CTNNA2: variants seen among roughly 807,000 people sequenced by gnomAD.
CTNNA2 encodes catenin alpha-2.
CTNNA2 carries 42 observed loss-of-function variants against 101.0 expected under a neutral mutation model. The ratio of observed to expected loss-of-function variants is 0.42; its 90% CI spans 0.32 to 0.54. CTNNA2 has a LOEUF of 0.54. Ranked by LOEUF, CTNNA2 falls within the 20% of genes least tolerant of loss-of-function variation. CTNNA2 has a pLI of 0.14. For synonymous variants in CTNNA2, 450 were observed against 456.4 expected, an observed-to-expected ratio of 0.99 and a Z score of 0.18; for missense variants, 871 against 1,223.1, an observed-to-expected ratio of 0.71 and a Z score of 4.29.
intron 3 of CTNNA2, among the ~76,000 whole-genome samples, chr2:79,362,474 A>C (rs1677653764): frequency 6.6e-6 from 1 of 152,110 alleles, no homozygotes; most frequent in Non-Finnish European, 1.5e-5. Context: ...AAGTGGACCA[A>C]GGGGCTACAC....
At chr2:80,458,217 A>T (rs7560190) in intron 9 of CTNNA2, among the ~76,000 whole-genome samples, 2 of 152,018 alleles carry the variant, frequency 1.3e-5, no homozygotes, top group African/African-American at 2.4e-5. Context: ...TCAGTTGATA[A>T]GTTACCTCTG....
chr2:80,181,303 AAGG>A (rs1705760727), intron 7 of CTNNA2, among the ~76,000 whole-genome samples: 1 of 152,040 alleles, frequency 6.6e-6, no homozygotes, highest in African/African-American at 2.4e-5. Flanking sequence ...ATGGGTGGGG[AAGG>A]AGATGTTGCC....
At chr2:79,759,068 G>A (rs1307311779) in intron 3 of CTNNA2, among the ~76,000 whole-genome samples, 1 of 152,162 alleles carries the variant, frequency 6.6e-6, no homozygotes, top group Non-Finnish European at 1.5e-5. Flanking sequence ...TTAATCATTA[G>A]AAAGTGGTAA....
At chr2:80,079,865 A>AATAAAATAAG (rs1274457275) in intron 7 of CTNNA2, among the ~76,000 whole-genome samples, 1,161 of 112,974 alleles carry the variant, frequency 0.01, 18 homozygotes, top group Middle Eastern at 0.047. Context: ...AATAAAATAA[A>AATAAAATAAG]ATAAAATAAA....
intron 7 of CTNNA2, among the ~76,000 whole-genome samples, chr2:80,221,790 A>T (rs1708591717): frequency 6.6e-6 from 1 of 152,238 alleles, no homozygotes; most frequent in Non-Finnish European, 1.5e-5. Context: ...GGTATTGGAC[A>T]GCCAAAGAGC....
intron 7 of CTNNA2, among the ~76,000 whole-genome samples, chr2:80,292,262 A>T (rs141869043): frequency 6.6e-6 from 1 of 152,196 alleles, no homozygotes; most frequent in Non-Finnish European, 1.5e-5. Context: ...AATGGGCTTA[A>T]TTCTTATAAC....
At chr2:80,283,674 A>T (rs1295110214) in intron 7 of CTNNA2, among the ~76,000 whole-genome samples, 1 of 152,124 alleles carries the variant, frequency 6.6e-6, no homozygotes, top group Non-Finnish European at 1.5e-5. Context: ...CAGGTTGGAT[A>T]TGCCTCTGGT....
At chr2:80,600,139 CAGGG>C (rs1169670412) in intron 15 of CTNNA2, among the ~76,000 whole-genome samples, 1 of 151,534 alleles carries the variant, frequency 6.6e-6, no homozygotes, top group African/African-American at 2.4e-5. Context: ...ATGTATTGTC[CAGGG>C]ACAATTGGTT....
chr2:80,615,892 T>C (rs1427324414), intron 17 of CTNNA2, among the ~76,000 whole-genome samples: 2 of 151,742 alleles, frequency 1.3e-5, no homozygotes, highest in African/African-American at 4.8e-5. Context: ...TCGGAACACA[T>C]TGTCTTACTC....
chr2:79,745,490 C>T (rs1395101762), intron 3 of CTNNA2, among the ~76,000 whole-genome samples: 1 of 151,822 alleles, frequency 6.6e-6, no homozygotes, highest in Non-Finnish European at 1.5e-5. Context: ...GTGTACAGTT[C>T]AATACTGTTA....
At chr2:79,307,887 T>C (rs1676282751) in intron 2 of CTNNA2, among the ~76,000 whole-genome samples, 1 of 152,226 alleles carries the variant, frequency 6.6e-6, no homozygotes. Flanking sequence ...TTGTTTTTTT[T>C]CTTTCTGATA....
At chr2:80,002,003 A>G (rs1330741943) in intron 7 of CTNNA2, among the ~76,000 whole-genome samples, 1 of 152,234 alleles carries the variant, frequency 6.6e-6, no homozygotes, top group African/African-American at 2.4e-5. Context: ...TGTACTTCCA[A>G]GTTATCTCGT....
chr2:79,440,512 C>T (rs1553411504), intron 4 of CTNNA2, among the ~76,000 whole-genome samples: 1 of 152,080 alleles, frequency 6.6e-6, no homozygotes, highest in Non-Finnish European at 1.5e-5. Context: ...GCTATGTTTG[C>T]TTGTTTGTTG....
At chr2:80,374,228 T>C (rs1675713314) in intron 7 of CTNNA2, among the ~76,000 whole-genome samples, 2 of 152,154 alleles carry the variant, frequency 1.3e-5, no homozygotes, top group South Asian at 4.1e-4. Flanking sequence ...TTCCTCTCTT[T>C]CCACCCTGGT....
At position 79,887,768 on chromosome 2, in the gene CTNNA2, G is replaced by A. The variant is rs138956084; in HGVS notation, c.852+13426G>A. On this transcript the variant is annotated intron_variant, in intron 6 of 18. Transcript: ENST00000402739. ...GCATAGTATCAGTAACTGATGCTTA[G>A]TGGGAACCAGAAATCCTCACCTGTT... Among the ~76,000 whole-genome samples the A allele has an allele frequency of 2.8e-3, 422 of 152,304 alleles. 4 individuals carry two copies. Among genetic ancestry groups the A allele is most frequent in the Middle Eastern group, 0.027 (8 of 294 alleles).
intron 7 of CTNNA2, among the ~76,000 whole-genome samples, chr2:80,248,176 T>G (rs1242185071): frequency 1.3e-5 from 2 of 152,156 alleles, no homozygotes; most frequent in Non-Finnish European, 2.9e-5. Flanking sequence ...TCACCATTCC[T>G]GTCATAGCCT....
intron 3 of CTNNA2, among the ~76,000 whole-genome samples, chr2:79,789,093 C>T (rs990358005): frequency 3.3e-5 from 5 of 152,106 alleles, no homozygotes; most frequent in African/African-American, 4.8e-5. Flanking sequence ...TTAAATGTTA[C>T]AATCGTCATA....
At chr2:80,487,902 C>T (rs574728441) in intron 9 of CTNNA2, among the ~76,000 whole-genome samples, 4 of 152,132 alleles carry the variant, frequency 2.6e-5, no homozygotes, top group Non-Finnish European at 5.9e-5. Context: ...TATATTTTTT[C>T]TGTGACCATT....
intron 3 of CTNNA2, among the ~76,000 whole-genome samples, chr2:79,327,047 GC>G (rs1676763819): frequency 6.6e-6 from 1 of 152,158 alleles, no homozygotes; most frequent in South Asian, 2.1e-4. Context: ...ATGATAAAAT[GC>G]CTGTAATAAC....
Sources: allele counts gnomAD v4.1 joint callset (sites outside exome capture counted in the v4.1 genomes callset), GRCh38; gene constraint gnomAD v4.1.1; transcripts MANE v1.5; gene names NCBI Gene and HGNC (gene_info 2026-07-23, HGNC 2026-07-21).